The following KIAA1549L variants were observed in gnomAD, a reference collection of about 807,000 sequenced individuals.
KIAA1549L encodes the protein UPF0606 protein KIAA1549L.
KIAA1549L carries 88 observed loss-of-function variants against 160.7 expected under a neutral mutation model. That is an observed-to-expected ratio of 0.55 (90% CI 0.46 to 0.65). The LOEUF is 0.65. KIAA1549L is among the 30% of genes least tolerant of loss of function. The pLI is 0.00. For missense variants in KIAA1549L, 2,258 were observed against 2,437.5 expected (o/e 0.93, Z 1.55); for synonymous variants, 950 against 976.7 (o/e 0.97, Z 0.51).
chr11:33,377,217 G>A (rs75252669), intron 1 of KIAA1549L, among the ~76,000 whole-genome samples: 134 of 152,326 alleles, frequency 8.8e-4, no homozygotes, highest in Non-Finnish European at 1.6e-3. Context: ...GGGTGGCAAA[G>A]TCCCTGGTAT....
chr11:33,609,910 G>C lies in KIAA1549L; in HGVS notation c.5223G>C (p.Glu1741Asp). ...KMYEKAPKEM[E>D]HVLDPDSELC... ...ATGAAAAAGCCCCGAAGGAAATGGA[G>C]CATGTTTTGGATCCAGATTCAGAAC... is the stretch of plus-strand genomic sequence containing the variant. The change falls in exon 15 of 21, where the codon GAG becomes GAC. Residue 1741 changes from glutamate to aspartate, a missense_variant. Around this residue, in one of 6 missense-constraint regions of KIAA1549L, gnomAD observed 1,359 missense variants for 1,546.6 expected, o/e 0.88. Transcript: ENST00000658780. 2 of 1,614,002 alleles carry C rather than the reference G, an allele frequency of 1.2e-6. No individual in the cohort carries two copies. The highest frequency in any genetic ancestry group is 8.5e-7 in the Non-Finnish European group (1 of 1,179,882).
intron 1 of KIAA1549L, among the ~76,000 whole-genome samples, chr11:33,474,068 G>A (rs533957503): frequency 6.6e-6 from 1 of 152,072 alleles, no homozygotes; most frequent in Non-Finnish European, 1.5e-5. Flanking sequence ...AAGGTGGCAG[G>A]CTCTTTAAAC....
At chr11:33,450,211 G>A (rs1391283077) in intron 1 of KIAA1549L, among the ~76,000 whole-genome samples, 1 of 152,062 alleles carries the variant, frequency 6.6e-6, no homozygotes, top group African/African-American at 2.4e-5. Context: ...CAGCCACTTG[G>A]GATGAAAATG....
intron 12 of KIAA1549L, among the ~76,000 whole-genome samples, chr11:33,594,952 A>G (rs1565203207): frequency 6.6e-6 from 1 of 152,248 alleles, no homozygotes; most frequent in Non-Finnish European, 1.5e-5. Flanking sequence ...TATTTAGAGG[A>G]CACTGAAAAT....
At chr11:33,441,030 A>C (rs1005402402) in intron 1 of KIAA1549L, among the ~76,000 whole-genome samples, 1 of 151,340 alleles carries the variant, frequency 6.6e-6, no homozygotes, top group African/African-American at 2.4e-5. Context: ...TTAACTTGTC[A>C]TTTAGCATTA....
intron 12 of KIAA1549L, among the ~76,000 whole-genome samples, chr11:33,593,783 G>A (rs910912452): frequency 2.0e-5 from 3 of 152,164 alleles, no homozygotes; most frequent in African/African-American, 7.2e-5. Flanking sequence ...ATGCCTGTTA[G>A]GTATATGAGT....
intron 1 of KIAA1549L, among the ~76,000 whole-genome samples, chr11:33,510,846 T>C (rs908415368): frequency 6.6e-6 from 1 of 152,158 alleles, no homozygotes; most frequent in African/African-American, 2.4e-5. Flanking sequence ...ACCTGGGTGG[T>C]GACAGCCAGA....
chr11:33,552,139 A>G lies in KIAA1549L; in HGVS notation c.3753A>G (p.Ile1251Met). The change falls in exon 6 of 21, where the codon ATA becomes ATG. Residue 1251 changes from isoleucine (I) to methionine (M), a missense_variant. Ile to Met is a conservative substitution (Grantham distance 10). Transcript: ENST00000658780. ...VLQFVSQADN[I>M]QSCKFAQTME... The stretch of plus-strand genomic sequence containing the variant: ...AGTTTGTGAGCCAAGCGGACAACAT[A>G]CAGTCCTGCAAGTTTGCTCAGACAA... 6.2e-7 allele frequency: 1 copy of G among 1,613,490 alleles called. No homozygotes were observed. The highest frequency in any genetic ancestry group is 8.5e-7 in the Non-Finnish European group (1 of 1,179,710).
intron 1 of KIAA1549L, among the ~76,000 whole-genome samples, chr11:33,398,013 C>T (rs1295562562): frequency 6.7e-6 from 1 of 149,722 alleles, no homozygotes; most frequent in Non-Finnish European, 1.5e-5. Context: ...AGCCTCACCT[C>T]CCGGGTTCAA....
chr11:33,662,595 G>A (rs1852303437), intron 20 of KIAA1549L, among the ~76,000 whole-genome samples: 2 of 152,142 alleles, frequency 1.3e-5, no homozygotes, highest in Non-Finnish European at 2.9e-5. Context: ...TGAAAGTTAT[G>A]CAGACTTTTC....
chr11:33,433,947 G>A lies in KIAA1549L; in HGVS notation c.238+57058G>A, dbSNP rs187000792. On this transcript the variant is annotated intron_variant, in intron 1 of 20. Coordinates refer to ENST00000658780, the MANE Select transcript of KIAA1549L (RefSeq NM_012194.3). The stretch of plus-strand genomic sequence containing the variant: ...ATACCATGGCCTGTTATGGGGGTCA[G>A]GGGTGAGGGGAGGGAACTTAGAGGA... Among the ~76,000 whole-genome samples, 185 of 152,192 alleles carry A rather than the reference G, an allele frequency of 1.2e-3. 1 individual carries two copies. The Middle Eastern group carries it at 0.024, about 20-fold the overall frequency.
chr11:33,598,430 C>A, intron 12 of KIAA1549L, among the ~76,000 whole-genome samples: 1 of 152,034 alleles, frequency 6.6e-6, no homozygotes, highest in East Asian at 1.9e-4. Flanking sequence ...GATACATGTC[C>A]CTGGAAATTC....
chr11:33,652,393 G>C (rs888483586), intron 17 of KIAA1549L, among the ~76,000 whole-genome samples: 4 of 152,182 alleles, frequency 2.6e-5, no homozygotes, highest in African/African-American at 9.7e-5. Flanking sequence ...CTGTCCTGGG[G>C]CCCCGAGGAT....
chr11:33,528,973 T>G (rs1853677928), intron 1 of KIAA1549L, among the ~76,000 whole-genome samples: 1 of 152,214 alleles, frequency 6.6e-6, no homozygotes, highest in Non-Finnish European at 1.5e-5. Flanking sequence ...ATTGAAATGT[T>G]TTTTAAAAAT....
chr11:33,610,786 C>G (rs1045690981), intron 15 of KIAA1549L, among the ~76,000 whole-genome samples: 1 of 152,200 alleles, frequency 6.6e-6, no homozygotes, highest in African/African-American at 2.4e-5. Context: ...ATACCTGAGA[C>G]TGGGTAATTT....
At chr11:33,632,322 A>T (rs1462377506) in intron 16 of KIAA1549L, among the ~76,000 whole-genome samples, 1 of 152,226 alleles carries the variant, frequency 6.6e-6, no homozygotes, top group Non-Finnish European at 1.5e-5. Flanking sequence ...CTCTTTTCCC[A>T]ACCTCAAGAC....
intron 1 of KIAA1549L, among the ~76,000 whole-genome samples, chr11:33,521,954 A>G (rs1853503885): frequency 6.6e-6 from 1 of 152,216 alleles, no homozygotes; most frequent in African/African-American, 2.4e-5. Flanking sequence ...TTGATGGAGC[A>G]AATTTAAATT....
chr11:33,610,144 G>A (rs1478406048), intron 15 of KIAA1549L, among the ~76,000 whole-genome samples, 178 bp downstream of exon 15: 1 of 151,610 alleles, frequency 6.6e-6, no homozygotes, highest in Non-Finnish European at 1.5e-5. Context: ...CTGAAAGAGA[G>A]TAACATTAAA....
intron 12 of KIAA1549L, among the ~76,000 whole-genome samples, chr11:33,598,265 A>C (rs1850260915): frequency 6.6e-6 from 1 of 151,524 alleles, no homozygotes. Context: ...TATTATGCAA[A>C]GAATAAGGCA....
Sources: allele counts gnomAD v4.1 joint callset (sites outside exome capture counted in the v4.1 genomes callset), GRCh38; gene constraint gnomAD v4.1.1; regional missense constraint gnomAD v4.1.1; transcripts MANE v1.5; gene names NCBI Gene and HGNC (gene_info 2026-07-23, HGNC 2026-07-21).